Variants in CTNND2 observed in about 807,000 individuals in gnomAD.
CTNND2 encodes catenin delta-2.
In CTNND2, 22 loss-of-function variants were observed where a neutral mutation model predicts 144.4. The ratio of observed to expected loss-of-function variants is 0.15; its 90% CI spans 0.11 to 0.22. The LOEUF (loss-of-function observed/expected upper bound fraction) is 0.22, where lower values mean the gene tolerates loss of function less well. Ranked by LOEUF, CTNND2 falls within the 10% of genes least tolerant of loss-of-function variation. CTNND2 has a pLI of 1.00. For synonymous variants in CTNND2, 751 were observed against 695.6 expected, an observed-to-expected ratio of 1.08 and a Z score of -1.25; for missense variants, 1,353 against 1,618.8, an observed-to-expected ratio of 0.84 and a Z score of 2.82.
Position 11,565,065 on chromosome 5 carries a change from A to C in CTNND2, c.175-9T>G, listed in dbSNP as rs377416351. 4.4e-6 allele frequency: 7 copies of C among 1,596,868 alleles called. No homozygotes were observed. The highest frequency in any genetic ancestry group is 6.0e-6 in the Non-Finnish European group (7 of 1,164,552). On this transcript the variant is annotated splice_polypyrimidine_tract_variant and intron_variant, in intron 2 of 21. Transcript: ENST00000304623. Reference sequence around the variant, plus strand: ...CTTTCAAACTGTAATTCCTGAAAGAAACCCATCAACAAGATCAATTCAATC... The same window carrying C: ...CTTTCAAACTGTAATTCCTGAAAGACACCCATCAACAAGATCAATTCAATC...
At chr5:11,347,164 A>G (rs1223782559) in intron 8 of CTNND2, among the ~76,000 whole-genome samples, 1 of 152,230 alleles carries the variant, frequency 6.6e-6, no homozygotes, top group Non-Finnish European at 1.5e-5. Flanking sequence ...TCACATCTCC[A>G]TAATTAGCAC....
chr5:11,062,169 C>A (rs1452857566), intron 16 of CTNND2, among the ~76,000 whole-genome samples: 2 of 152,168 alleles, frequency 1.3e-5, no homozygotes, highest in Non-Finnish European at 1.5e-5. Flanking sequence ...AGTTAGTACA[C>A]AAGGATAAAA....
intron 1 of CTNND2, among the ~76,000 whole-genome samples, chr5:11,843,074 C>G (rs1794557426): frequency 6.6e-6 from 1 of 152,072 alleles, no homozygotes; most frequent in African/African-American, 2.4e-5. Flanking sequence ...ATCTTTCTTT[C>G]CCAACAATGC....
chr5:11,735,876 A>T (rs900698169), intron 1 of CTNND2, among the ~76,000 whole-genome samples: 2 of 152,218 alleles, frequency 1.3e-5, no homozygotes, highest in Non-Finnish European at 2.9e-5. Flanking sequence ...TAGCAGCATG[A>T]GAATGGACTA....
chr5:11,247,764 T>C (rs1356553482), intron 9 of CTNND2, among the ~76,000 whole-genome samples: 1 of 152,178 alleles, frequency 6.6e-6, no homozygotes, highest in Non-Finnish European at 1.5e-5. Context: ...ATATAGAATA[T>C]TTAGGTCCTT....
At position 11,753,606 on chromosome 5, in the gene CTNND2, C is replaced by CAT; in HGVS notation, c.38-21336_38-21335dup. On this transcript the variant is annotated intron_variant, in intron 1 of 21. Transcript: ENST00000304623. ...GTTGATGACTTTTTACATCAATGTT[C>CAT]ATCAAGGATATTGGCCCAAAGTTTT... is the stretch of plus-strand genomic sequence containing the variant. Among the ~76,000 whole-genome samples the CAT allele has an allele frequency of 1.3e-5, 2 of 151,928 alleles. 1 individual carries two copies. Among genetic ancestry groups the CAT allele is most frequent in the Middle Eastern group, 6.8e-3 (2 of 294 alleles).
intron 2 of CTNND2, among the ~76,000 whole-genome samples, chr5:11,711,914 C>A: frequency 6.6e-6 from 1 of 152,202 alleles, no homozygotes; most frequent in East Asian, 1.9e-4. Flanking sequence ...GTGTGTGAGG[C>A]ATGGTGCCTG....
rs151276327 is a variant in CTNND2, at chr5:11,122,388, C to T, written c.2160-4821G>A. On this transcript the variant is annotated intron_variant, in intron 12 of 21. Coordinates refer to ENST00000304623, the MANE Select transcript of CTNND2 (RefSeq NM_001332.4). ...AGATATTTCCCAGTTTCTCACCCGT[C>T]TACAACCTCAGGCTTGGAGGAAGAG... Among the ~76,000 whole-genome samples, 596 of 152,266 alleles carry T rather than the reference C, an allele frequency of 3.9e-3. 4 individuals carry two copies. The highest frequency in any genetic ancestry group is 0.011 in the South Asian group (52 of 4,826).
intron 12 of CTNND2, among the ~76,000 whole-genome samples, chr5:11,151,546 TTCATG>T (rs1479356944): frequency 3.9e-5 from 6 of 152,230 alleles, no homozygotes; most frequent in African/African-American, 1.4e-4. Flanking sequence ...AATCCAAATA[TTCATG>T]TCTTCATAGG....
intron 13 of CTNND2, among the ~76,000 whole-genome samples, chr5:11,116,585 C>T (rs1215877391): frequency 6.6e-6 from 1 of 152,176 alleles, no homozygotes; most frequent in Non-Finnish European, 1.5e-5. Flanking sequence ...TGGAAAAGCC[C>T]ACCCAATTCT....
chr5:11,637,597 C>T (rs1465894121), intron 2 of CTNND2, among the ~76,000 whole-genome samples: 2 of 152,158 alleles, frequency 1.3e-5, no homozygotes, highest in Admixed American at 1.3e-4. Context: ...CTAGCACACA[C>T]ATTCTGCAGT....
At position 11,241,202 on chromosome 5, in the gene CTNND2, C is replaced by T. The variant is rs1248200415; in HGVS notation, c.1629-4379G>A. Among the ~76,000 whole-genome samples the T allele has an allele frequency of 3.3e-5, 5 of 152,186 alleles. No homozygotes were observed. In the East Asian group the frequency reaches 9.6e-4, roughly 29 times the overall value. On this transcript the variant is annotated intron_variant, in intron 9 of 21. Coordinates refer to ENST00000304623, the MANE Select transcript of CTNND2 (RefSeq NM_001332.4). ...CACAGAGGAGTCCTTCTCCATGCTG[C>T]TAACCTGAGCAGCCTTCTCTATGCC...
chr5:11,360,739 C>T (rs1756364433), intron 8 of CTNND2, among the ~76,000 whole-genome samples: 1 of 152,096 alleles, frequency 6.6e-6, no homozygotes, highest in Admixed American at 6.5e-5. Flanking sequence ...TATGATATTA[C>T]CTTCCAATAC....
chr5:11,163,563 C>T (rs563849323), intron 11 of CTNND2, among the ~76,000 whole-genome samples: 1 of 152,198 alleles, frequency 6.6e-6, no homozygotes, highest in African/African-American at 2.4e-5. Context: ...ATGAAGCTCC[C>T]ACTCTCTCTG....
At chr5:11,698,059 G>A (rs1375441562) in intron 2 of CTNND2, among the ~76,000 whole-genome samples, 2 of 152,142 alleles carry the variant, frequency 1.3e-5, no homozygotes, top group Non-Finnish European at 2.9e-5. Flanking sequence ...TGGTTGCTGT[G>A]CAGAGATTGC....
At chr5:11,398,116 T>C (rs1760305861) in intron 5 of CTNND2, among the ~76,000 whole-genome samples, 2 of 152,264 alleles carry the variant, frequency 1.3e-5, no homozygotes, top group South Asian at 2.1e-4. Flanking sequence ...TGGCAAAAAC[T>C]TGGCAATACA....
Position 11,231,094 on chromosome 5 carries a change from G to A in CTNND2, c.1761+5597C>T, listed in dbSNP as rs920706399. ...TCTCGTGATAATGAGTGAGTCTCAC[G>A]AGATCTGAGCATCTGACATTTCCCC... On this transcript the variant is annotated intron_variant, in intron 10 of 21. Coordinates refer to ENST00000304623, the MANE Select transcript of CTNND2 (RefSeq NM_001332.4). Among the ~76,000 whole-genome samples the A allele has an allele frequency of 2.0e-5, 3 of 152,222 alleles. No individual in the cohort carries two copies. The South Asian group carries it at 6.2e-4, about 32-fold the overall frequency.
At chr5:11,731,702 AAC>A (rs2126741150) in intron 2 of CTNND2, among the ~76,000 whole-genome samples, 1 of 152,328 alleles carries the variant, frequency 6.6e-6, no homozygotes, top group South Asian at 2.1e-4. Context: ...CATCTCAGAA[AAC>A]ACTGGAAAAA....
At chr5:11,375,105 C>T (rs1407931503) in intron 7 of CTNND2, among the ~76,000 whole-genome samples, 1 of 152,024 alleles carries the variant, frequency 6.6e-6, no homozygotes, top group Non-Finnish European at 1.5e-5. Flanking sequence ...GGCCTTTTTC[C>T]TCAGATTGCA....
Sources: gnomAD v4.1 joint callset for allele counts (sites outside exome capture counted in the v4.1 genomes callset) on GRCh38, gnomAD v4.1.1 for gene constraint, MANE v1.5 for transcripts, NCBI Gene and HGNC (gene_info 2026-07-23, HGNC 2026-07-21) for gene names.